The following SMYD3 variants were observed in gnomAD, a reference collection of about 807,000 sequenced individuals.
SMYD3 encodes the protein SET and MYND domain containing 3.
Under a neutral mutation model 57.7 loss-of-function variants are expected in SMYD3, and 36 were observed. The observed-to-expected ratio is 0.62, with a 90% CI of 0.48 to 0.82. The LOEUF is 0.82. SMYD3 is among the 40% of genes least tolerant of loss of function. SMYD3 has a pLI of 0.00. For missense variants in SMYD3, 515 were observed against 538.8 expected, an observed-to-expected ratio of 0.96 and a Z score of 0.44; for synonymous variants, 211 against 195.0, an observed-to-expected ratio of 1.08 and a Z score of -0.68.
At position 245,823,481 on chromosome 1, in the gene SMYD3, G is replaced by A. The variant is rs111422117; in HGVS notation, c.1076+35015C>T. On this transcript the variant is annotated intron_variant, in intron 10 of 11. Transcript: ENST00000490107. ...CCCAAACATCTGAAGTCAGCGCCGC[G>A]CACTACTGCGATTTCCTGGGCCAAA... Among the ~76,000 whole-genome samples, 14 of 152,300 alleles carry A rather than the reference G, an allele frequency of 9.2e-5. No individual in the cohort carries two copies. In the South Asian group the frequency reaches 1.4e-3, roughly 16 times the overall value.
intron 2 of SMYD3, among the ~76,000 whole-genome samples, chr1:246,337,813 AGCCTCCTGATAGCTTACCAG>A (rs2065569313): frequency 6.6e-6 from 1 of 152,248 alleles, no homozygotes; most frequent in Non-Finnish European, 1.5e-5. Flanking sequence ...TGAGCAGCTC[AGCCTCCTGATAGCTTACCAG>A]GGTGAGATAA....
At chr1:246,042,442 G>A (rs1053280683) in intron 5 of SMYD3, among the ~76,000 whole-genome samples, 11 of 152,278 alleles carry the variant, frequency 7.2e-5, no homozygotes, top group African/African-American at 2.4e-4. Flanking sequence ...GCAGTGAGGA[G>A]CTCAGCACCT....
chr1:246,042,484 C>T (rs1297211804), intron 5 of SMYD3, among the ~76,000 whole-genome samples: 2 of 152,192 alleles, frequency 1.3e-5, no homozygotes, highest in African/African-American at 2.4e-5. Flanking sequence ...CCACGGAGCA[C>T]TCAGTGGCAC....
chr1:246,310,343 A>T (rs2065054784), intron 5 of SMYD3, among the ~76,000 whole-genome samples: 1 of 152,228 alleles, frequency 6.6e-6, no homozygotes, highest in Non-Finnish European at 1.5e-5. Flanking sequence ...ATTCATTTTC[A>T]GCAGCCATTC....
chr1:246,289,152 T>G (rs1017551743), intron 5 of SMYD3, among the ~76,000 whole-genome samples: 7 of 152,136 alleles, frequency 4.6e-5, no homozygotes, highest in Non-Finnish European at 8.8e-5. Context: ...GATTGTTAAT[T>G]AAAATTATCC....
At chr1:246,145,280 C>T (rs2061825274) in intron 5 of SMYD3, among the ~76,000 whole-genome samples, 1 of 152,190 alleles carries the variant, frequency 6.6e-6, no homozygotes, top group South Asian at 2.1e-4. Context: ...GGTATAACAT[C>T]TAACTCAAAA....
At chr1:246,506,991 C>CCCCCCCCCCCCCCCCCCCCCCCAA in intron 1 of SMYD3, 63 bp downstream of exon 1, 1 of 815,394 alleles carries the variant, frequency 1.2e-6, no homozygotes, top group African/African-American at 2.8e-5. Flanking sequence ...CGCCCGACGC[C>CCCCCCCCCCCCCCCCCCCCCCCAA]CCCCCCTCCC....
intron 5 of SMYD3, among the ~76,000 whole-genome samples, chr1:246,068,887 C>A (rs2787995): frequency 1.3e-5 from 2 of 151,902 alleles, no homozygotes; most frequent in South Asian, 2.1e-4. Flanking sequence ...CTTACCTTAC[C>A]CCTTATGTCT....
chr1:245,893,001 G>C (rs1388032495), intron 8 of SMYD3, among the ~76,000 whole-genome samples: 2 of 152,146 alleles, frequency 1.3e-5, no homozygotes, highest in Non-Finnish European at 2.9e-5. Flanking sequence ...CCTGTGTACA[G>C]GATAAAGAAC....
chr1:246,204,338 A>G (rs1386329330), intron 5 of SMYD3, among the ~76,000 whole-genome samples: 1 of 152,172 alleles, frequency 6.6e-6, no homozygotes, highest in Non-Finnish European at 1.5e-5. Flanking sequence ...CCACTTAAAC[A>G]GCTAATGCTG....
chr1:246,043,485 G>A (rs2059912458), intron 5 of SMYD3, among the ~76,000 whole-genome samples: 7 of 152,192 alleles, frequency 4.6e-5, no homozygotes. Flanking sequence ...ACTATTTTAA[G>A]ATGAGGAATG....
chr1:245,773,301 T>C (rs933110578), intron 10 of SMYD3, among the ~76,000 whole-genome samples: 11 of 152,212 alleles, frequency 7.2e-5, no homozygotes, highest in African/African-American at 2.7e-4. Flanking sequence ...GAAAGACTTA[T>C]GTTGCAGATA....
chr1:246,505,888 G>A (rs2068529895), intron 1 of SMYD3, among the ~76,000 whole-genome samples: 1 of 152,192 alleles, frequency 6.6e-6, no homozygotes. Context: ...GGAACGAATT[G>A]TTTTCAACCA....
chr1:245,765,045 T>TGCACACACACACAC (rs144137711), intron 10 of SMYD3, among the ~76,000 whole-genome samples: 3,094 of 134,796 alleles, frequency 0.023, 138 homozygotes, highest in East Asian at 0.079. Context: ...TGGAAATGCC[T>TGCACACACACACAC]ACACACACAC....
chr1:246,506,943 G>A lies in SMYD3; in HGVS notation c.164+111C>T, dbSNP rs905134538. The A allele has an allele frequency of 2.0e-5, 22 of 1,088,266 alleles. 1 individual carries two copies. In the African/African-American group the frequency reaches 3.4e-4, roughly 17 times the overall value. The allele number at this position is 1,088,266 out of a possible 1,614,324, so 67.4% of individuals were successfully genotyped here. On this transcript the variant is annotated intron_variant, in intron 1 of 11. Coordinates refer to ENST00000490107, the MANE Select transcript of SMYD3 (RefSeq NM_001167740.2). The stretch of plus-strand genomic sequence containing the variant: ...CAGGGGCAGCACCGCCAAGCTGCCT[G>A]TGCAGCCCCATCCAGCAGGAGTCCC...
At chr1:245,779,971 T>A (rs2046765351) in intron 10 of SMYD3, among the ~76,000 whole-genome samples, 1 of 152,210 alleles carries the variant, frequency 6.6e-6, no homozygotes, top group Admixed American at 6.5e-5. Context: ...GAAGCCAGTG[T>A]AGTACCACCT....
At chr1:245,933,678 G>C (rs761806309) in intron 5 of SMYD3, among the ~76,000 whole-genome samples, 1 of 152,162 alleles carries the variant, frequency 6.6e-6, no homozygotes, top group Non-Finnish European at 1.5e-5. Flanking sequence ...GACACAAATA[G>C]CAAAATCAAT....
chr1:245,801,439 A>C (rs929822666), intron 10 of SMYD3, among the ~76,000 whole-genome samples: 1 of 152,216 alleles, frequency 6.6e-6, no homozygotes, highest in African/African-American at 2.4e-5. Context: ...TAAATATCTC[A>C]GACTTCAGGC....
chr1:245,967,802 A>G (rs1364607636), intron 5 of SMYD3, among the ~76,000 whole-genome samples: 1 of 152,226 alleles, frequency 6.6e-6, no homozygotes, highest in African/African-American at 2.4e-5. Flanking sequence ...ATTTGCGACT[A>G]ATTTACCCAA....
Sources: allele counts gnomAD v4.1 joint callset (sites outside exome capture counted in the v4.1 genomes callset), GRCh38; gene constraint gnomAD v4.1.1; transcripts MANE v1.5; gene names NCBI Gene and HGNC (gene_info 2026-07-23, HGNC 2026-07-21).